Variants in CDH13 observed in about 807,000 individuals in gnomAD.
CDH13 encodes the protein cadherin-13.
CDH13 carries 24 observed loss-of-function variants against 63.8 expected under a neutral mutation model. The observed-to-expected ratio is 0.38, with a 90% CI of 0.27 to 0.53. The LOEUF (loss-of-function observed/expected upper bound fraction) is 0.53, where lower values mean the gene tolerates loss of function less well. CDH13 is among the 20% of genes least tolerant of loss of function. The pLI is 0.85. For missense variants in CDH13, 1,049 were observed against 903.1 expected (o/e 1.16, Z -2.07); for synonymous variants, 503 against 355.3 (o/e 1.42, Z -4.67).
At chr16:82,662,844 G>C (rs978785757) in intron 1 of CDH13, among the ~76,000 whole-genome samples, 1 of 152,064 alleles carries the variant, frequency 6.6e-6, no homozygotes, top group Non-Finnish European at 1.5e-5. Context: ...CTCCAGGCCA[G>C]TGTGAGGTGG....
intron 9 of CDH13, among the ~76,000 whole-genome samples, chr16:83,677,917 T>A (rs1915095812): frequency 6.6e-6 from 1 of 152,098 alleles, no homozygotes; most frequent in Non-Finnish European, 1.5e-5. Flanking sequence ...TCACTAAGGT[T>A]CAAGTCACTC....
chr16:83,778,589 T>C (rs1915284722), intron 11 of CDH13, among the ~76,000 whole-genome samples: 1 of 151,358 alleles, frequency 6.6e-6, no homozygotes, highest in Non-Finnish European at 1.5e-5. Flanking sequence ...TATCTTAAAA[T>C]AGTATTTCCT....
At chr16:83,630,177 T>A (rs999740899) in intron 8 of CDH13, among the ~76,000 whole-genome samples, 1 of 152,208 alleles carries the variant, frequency 6.6e-6, no homozygotes, top group African/African-American at 2.4e-5. Flanking sequence ...GCATAGTTTT[T>A]AACCTCTCTG....
chr16:83,000,536 C>T (rs928579301), intron 2 of CDH13, among the ~76,000 whole-genome samples: 102 of 149,868 alleles, frequency 6.8e-4, no homozygotes, highest in African/African-American at 2.4e-3. Context: ...GTGTGAGCCA[C>T]CTCACCCGAC....
chr16:83,286,931 C>G (rs558925825), intron 5 of CDH13, among the ~76,000 whole-genome samples: 102 of 151,946 alleles, frequency 6.7e-4, no homozygotes, highest in Non-Finnish European at 1.0e-3. Flanking sequence ...CCTACTTGTC[C>G]CCCTGCCATG....
intron 10 of CDH13, among the ~76,000 whole-genome samples, chr16:83,720,595 A>G (rs1282282647): frequency 6.6e-6 from 1 of 151,976 alleles, no homozygotes; most frequent in Non-Finnish European, 1.5e-5. Flanking sequence ...AAAAAAAAAG[A>G]CACAAGGGGA....
intron 7 of CDH13, among the ~76,000 whole-genome samples, chr16:83,529,650 C>T (rs545775004): frequency 6.6e-6 from 1 of 152,106 alleles, no homozygotes; most frequent in South Asian, 2.1e-4. Context: ...CATGGATGAT[C>T]TGTACTACTG....
At chr16:82,965,217 C>T (rs1477756479) in intron 2 of CDH13, among the ~76,000 whole-genome samples, 1 of 152,198 alleles carries the variant, frequency 6.6e-6, no homozygotes, top group African/African-American at 2.4e-5. Context: ...AGAAAGTACT[C>T]CTTGTCTTTT....
chr16:82,889,269 C>T (rs2040994539), intron 2 of CDH13, among the ~76,000 whole-genome samples: 1 of 151,704 alleles, frequency 6.6e-6, no homozygotes, highest in Non-Finnish European at 1.5e-5. Flanking sequence ...ACTCTTGATT[C>T]AGGAAAATTG....
intron 1 of CDH13, among the ~76,000 whole-genome samples, chr16:82,853,608 GT>G (rs1282418942): frequency 6.6e-6 from 1 of 152,206 alleles, no homozygotes; most frequent in Non-Finnish European, 1.5e-5. Flanking sequence ...CTGAACCAAC[GT>G]GGCTTAAACC....
At chr16:82,897,362 A>G (rs1299753828) in intron 2 of CDH13, among the ~76,000 whole-genome samples, 3 of 152,208 alleles carry the variant, frequency 2.0e-5, no homozygotes, top group Admixed American at 6.5e-5. Context: ...TATAAGAAAT[A>G]TTAGTTCAAT....
chr16:83,137,742 G>A (rs981727365), intron 4 of CDH13, among the ~76,000 whole-genome samples: 1 of 152,226 alleles, frequency 6.6e-6, no homozygotes, highest in South Asian at 2.1e-4. Flanking sequence ...GGCCCAGGGC[G>A]CAGTGGGGAT....
chr16:83,248,711 C>G (rs1320262808), intron 5 of CDH13, among the ~76,000 whole-genome samples: 1 of 152,124 alleles, frequency 6.6e-6, no homozygotes, highest in African/African-American at 2.4e-5. Context: ...TGAGCCTTCT[C>G]CAAGTTCCTT....
chr16:82,755,396 G>A (rs2034574873), intron 1 of CDH13, among the ~76,000 whole-genome samples: 2 of 152,198 alleles, frequency 1.3e-5, no homozygotes, highest in African/African-American at 2.4e-5. Context: ...AGTTGTGTTT[G>A]GGAAGATTAG....
chr16:82,930,976 G>A (rs561049090), intron 2 of CDH13, among the ~76,000 whole-genome samples: 88 of 152,308 alleles, frequency 5.8e-4, no homozygotes, highest in African/African-American at 1.9e-3. Flanking sequence ...GGCAGCTTCC[G>A]CTGGTTTTAC....
At chr16:83,280,031 T>C (rs2089117638) in intron 5 of CDH13, among the ~76,000 whole-genome samples, 1 of 152,242 alleles carries the variant, frequency 6.6e-6, no homozygotes. Context: ...TGTTGATGGC[T>C]GCAGATTGAT....
intron 1 of CDH13, among the ~76,000 whole-genome samples, chr16:82,629,923 A>G (rs931894864): frequency 1.4e-4 from 21 of 152,248 alleles, no homozygotes; most frequent in African/African-American, 4.3e-4. Context: ...GGTAGCACTT[A>G]CAACTAACCA....
At position 82,929,651 on chromosome 16, in the gene CDH13, CAAAAAAAAAAAAAAAAAA is replaced by C. The variant is rs71146097; in HGVS notation, c.157+71193_157+71210del. Among the ~76,000 whole-genome samples, 17 of 44,280 alleles carry C rather than the reference CAAAAAAAAAAAAAAAAAA, an allele frequency of 3.8e-4. No individual in the cohort carries two copies. The East Asian group carries it at 0.012, about 30-fold the overall frequency. 29.0% of individuals were successfully genotyped at this position (44,280 alleles called of 152,430 possible). On this transcript the variant is annotated intron_variant, in intron 2 of 13. Transcript: ENST00000567109. ...TGGGGGACAGAGTGAGACTCCATCT[CAAAAAAAAAAAAAAAAAA>C]AAAAAAAAAAAAAAGAAGACAGCCG...
chr16:83,782,135 G>C (rs966089062), intron 12 of CDH13, among the ~76,000 whole-genome samples: 1 of 151,990 alleles, frequency 6.6e-6, no homozygotes, highest in Admixed American at 6.6e-5. Context: ...TTACCTAATA[G>C]ATAAATGCCT....
Sources: gnomAD v4.1 joint callset for allele counts (sites outside exome capture counted in the v4.1 genomes callset) on GRCh38, gnomAD v4.1.1 for gene constraint, MANE v1.5 for transcripts, NCBI Gene and HGNC (gene_info 2026-07-23, HGNC 2026-07-21) for gene names.